The following PDE10A variants were observed in gnomAD, a reference collection of about 807,000 sequenced individuals.
PDE10A encodes the protein cAMP and cAMP-inhibited cGMP 3',5'-cyclic phosphodiesterase 10A.
In PDE10A, 39 loss-of-function variants were observed where a neutral mutation model predicts 97.7. That is an observed-to-expected ratio of 0.40 (90% confidence interval 0.31 to 0.52). The LOEUF (loss-of-function observed/expected upper bound fraction) is 0.52. PDE10A is among the 20% of genes least tolerant of loss of function. The probability of loss-of-function intolerance (pLI) is 0.56; values close to 1 mark genes in which losing one functional copy is unlikely to be tolerated. For missense variants in PDE10A, 731 were observed against 1,047.8 expected, an observed-to-expected ratio of 0.70 and a Z score of 4.17; for synonymous variants, 371 against 376.8, an observed-to-expected ratio of 0.98 and a Z score of 0.18.
chr6:165,597,834 T>C (rs1362894789), intron 1 of PDE10A, among the ~76,000 whole-genome samples: 3 of 152,218 alleles, frequency 2.0e-5, no homozygotes, highest in Non-Finnish European at 4.4e-5. Context: ...GTCCCACTTA[T>C]ATATAATGGA....
chr6:165,600,251 C>T (rs952182223), intron 1 of PDE10A, among the ~76,000 whole-genome samples: 1 of 152,202 alleles, frequency 6.6e-6, no homozygotes, highest in African/African-American at 2.4e-5. Flanking sequence ...ACTGCCAAAA[C>T]AGCCTGCAGC....
At chr6:165,533,107 C>T (rs1244255057) in intron 2 of PDE10A, among the ~76,000 whole-genome samples, 1 of 152,126 alleles carries the variant, frequency 6.6e-6, no homozygotes, top group Admixed American at 6.5e-5. Flanking sequence ...ACTTGCTTAG[C>T]AAGTACATTA....
At chr6:165,687,068 T>C (rs983051128) in intron 1 of PDE10A, among the ~76,000 whole-genome samples, 34 of 152,358 alleles carry the variant, frequency 2.2e-4, no homozygotes, top group African/African-American at 7.7e-4. Context: ...GTGTGGTAAG[T>C]TTCAGCACAT....
chr6:165,455,707 C>T (rs1029559842), intron 3 of PDE10A, among the ~76,000 whole-genome samples: 4 of 152,150 alleles, frequency 2.6e-5, no homozygotes, highest in Admixed American at 1.3e-4. Flanking sequence ...CCTTCCTGGG[C>T]GGTGCCTAAC....
intron 1 of PDE10A, among the ~76,000 whole-genome samples, chr6:165,686,961 G>T (rs560526375): frequency 2.0e-4 from 31 of 151,678 alleles, no homozygotes; most frequent in African/African-American, 7.6e-4. Flanking sequence ...AGAGTGACAT[G>T]AATTATACTA....
At chr6:165,656,566 G>T (rs1463478457) in intron 1 of PDE10A, among the ~76,000 whole-genome samples, 1 of 151,848 alleles carries the variant, frequency 6.6e-6, no homozygotes, top group Non-Finnish European at 1.5e-5. Flanking sequence ...CTATACACTC[G>T]TCTGAGGGGT....
chr6:165,943,733 G>A (rs1208234828), intron 1 of PDE10A, among the ~76,000 whole-genome samples: 1 of 152,204 alleles, frequency 6.6e-6, no homozygotes, highest in Non-Finnish European at 1.5e-5. Flanking sequence ...TTTATTCAGT[G>A]TTTAAATTCA....
intron 1 of PDE10A, among the ~76,000 whole-genome samples, chr6:165,565,419 G>A (rs1285328116): frequency 1.3e-5 from 2 of 152,040 alleles, no homozygotes; most frequent in Admixed American, 6.6e-5. Context: ...TATGAGAAAA[G>A]CTACAAAACT....
At chr6:165,373,237 A>G (rs1444461120) in intron 18 of PDE10A, among the ~76,000 whole-genome samples, 1 of 151,256 alleles carries the variant, frequency 6.6e-6, no homozygotes, top group Non-Finnish European at 1.5e-5. Flanking sequence ...ATGGGATCTA[A>G]TTAAACTAAA....
At chr6:165,947,659 T>G (rs1783815740) in intron 1 of PDE10A, among the ~76,000 whole-genome samples, 1 of 152,178 alleles carries the variant, frequency 6.6e-6, no homozygotes, top group African/African-American at 2.4e-5. Context: ...TTTCCTAGCT[T>G]TTGCTTTTTG....
intron 19 of PDE10A, among the ~76,000 whole-genome samples, chr6:165,342,546 C>T (rs1404159699): frequency 6.6e-6 from 1 of 152,210 alleles, no homozygotes; most frequent in Non-Finnish European, 1.5e-5. Flanking sequence ...AAACCTTTCC[C>T]ACTAAACTTG....
At chr6:165,579,163 A>C (rs1785477111) in intron 1 of PDE10A, among the ~76,000 whole-genome samples, 1 of 152,240 alleles carries the variant, frequency 6.6e-6, no homozygotes, top group African/African-American at 2.4e-5. Flanking sequence ...AGGCAGTTTA[A>C]GGATACTGTA....
At chr6:165,886,174 A>C (rs1341240774) in intron 1 of PDE10A, among the ~76,000 whole-genome samples, 1 of 152,198 alleles carries the variant, frequency 6.6e-6, no homozygotes, top group Non-Finnish European at 1.5e-5. Flanking sequence ...TAGGGATGTT[A>C]TAGGTGGAAT....
At chr6:165,978,532 A>G (rs1784914950) in intron 1 of PDE10A, among the ~76,000 whole-genome samples, 1 of 152,222 alleles carries the variant, frequency 6.6e-6, no homozygotes, top group Non-Finnish European at 1.5e-5. Context: ...CCTATGTGGT[A>G]TCTTTGTCCA....
chr6:165,454,930 A>G (rs1291236722), intron 3 of PDE10A, among the ~76,000 whole-genome samples: 1 of 152,184 alleles, frequency 6.6e-6, no homozygotes, highest in Non-Finnish European at 1.5e-5. Context: ...GCCAATTCAC[A>G]GGCCCAGAAC....
intron 1 of PDE10A, among the ~76,000 whole-genome samples, chr6:165,968,168 G>A (rs1053921939): frequency 6.6e-6 from 1 of 152,214 alleles, no homozygotes; most frequent in Non-Finnish European, 1.5e-5. Context: ...CCTGCTCTTA[G>A]GAGAGTATTG....
rs115702574 is a variant in PDE10A, at chr6:165,486,081, G to A, written c.995-3738C>T. ...AACTAGAGGAATTAATGAAATAGCAGAGGATACTGAGACACAACTGTAAAA... is the reference window on the plus strand; with the variant it reads ...AACTAGAGGAATTAATGAAATAGCAAAGGATACTGAGACACAACTGTAAAA... On this transcript the variant is annotated intron_variant, in intron 2 of 21. Transcript: ENST00000539869. Among the ~76,000 whole-genome samples the A allele has an allele frequency of 4.5e-3, 691 of 152,324 alleles. 5 individuals carry two copies. Among genetic ancestry groups the A allele is most frequent in the African/African-American group, 0.016 (669 of 41,578 alleles).
At chr6:165,581,570 T>C (rs2128355530) in intron 1 of PDE10A, among the ~76,000 whole-genome samples, 1 of 152,264 alleles carries the variant, frequency 6.6e-6, no homozygotes, top group Admixed American at 6.5e-5. Flanking sequence ...GAGAAATAAA[T>C]GTTTAAAAGT....
At chr6:165,823,860 C>A (rs926712012) in intron 1 of PDE10A, among the ~76,000 whole-genome samples, 1 of 152,074 alleles carries the variant, frequency 6.6e-6, no homozygotes, top group African/African-American at 2.4e-5. Context: ...TGCAATCTGT[C>A]ATTGAACAAA....
Sources: allele counts gnomAD v4.1 joint callset (sites outside exome capture counted in the v4.1 genomes callset), GRCh38; gene constraint gnomAD v4.1.1; transcripts MANE v1.5; gene names NCBI Gene and HGNC (gene_info 2026-07-23, HGNC 2026-07-21).